Variants in DRC7 observed in about 807,000 individuals in gnomAD.
DRC7 encodes the protein dynein regulatory complex subunit 7.
DRC7 carries 80 observed loss-of-function variants against 104.4 expected under a neutral mutation model. That is an observed-to-expected ratio of 0.77 (90% confidence interval 0.64 to 0.92). DRC7 has a LOEUF of 0.92. Ranked by LOEUF, DRC7 falls within the 40% of genes least tolerant of loss-of-function variation. The pLI, the probability that DRC7 is intolerant of heterozygous loss-of-function variation, is 0.00. For synonymous variants in DRC7, 405 were observed against 447.3 expected (o/e 0.91, Z 1.19); for missense variants, 1,034 against 1,141.1 (o/e 0.91, Z 1.35).
intron 8 of DRC7, among the ~76,000 whole-genome samples, chr16:57,710,715 G>A (rs1197444047): frequency 6.6e-6 from 1 of 152,124 alleles, no homozygotes; most frequent in Non-Finnish European, 1.5e-5. Context: ...CTAGATTTTT[G>A]TCAAATACTT....
At position 57,698,879 on chromosome 16, in the gene DRC7, C is replaced by T; in HGVS notation, c.233C>T (p.Ser78Phe). Residue 78 changes from serine to phenylalanine, a missense_variant, in exon 4 of 19, where the codon TCC (serine) becomes TTC (phenylalanine). Ser to Phe is a radical substitution (Grantham distance 155). Coordinates refer to ENST00000360716, the MANE Select transcript of DRC7 (RefSeq NM_001289162.2). ...TTTACCAAGGACACTATTGACATCT[C>T]CAAGCTGCCCATTTCCTACAAAACC... ...PAFTKDTIDI[S>F]KLPISYKTNT... The T allele has an allele frequency of 1.2e-6, 2 of 1,614,092 alleles. No homozygotes were observed. The highest frequency in any genetic ancestry group is 1.7e-6 in the Non-Finnish European group (2 of 1,179,974).
Position 57,699,016 on chromosome 16 carries a change from G to A in DRC7, c.370G>A (p.Glu124Lys), listed in dbSNP as rs2048629232. Reference sequence around the variant, plus strand: ...CTTCCTGCACCCCCTGAACGAGTGTGAAGTGCCCGTAAGGCTGGCATGTTG... The same window carrying A: ...CTTCCTGCACCCCCTGAACGAGTGTAAAGTGCCCGTAAGGCTGGCATGTTG... ...PLFLHPLNEC[E>K]VPKFVSTTLR... is the part of the protein sequence containing the mutation. Residue 124 changes from glutamate (E) to lysine (K), a missense_variant, in exon 4 of 19, where the codon GAA (glutamate) becomes AAA (lysine). Glu to Lys is a moderately conservative substitution (Grantham distance 56, BLOSUM62 1). Transcript: ENST00000360716. 2 of 1,614,004 alleles carry A rather than the reference G, an allele frequency of 1.2e-6. No individual in the cohort carries two copies. The highest frequency in any genetic ancestry group is 4.5e-5 in the East Asian group (2 of 44,894).
At chr16:57,718,256 C>T in intron 8 of DRC7, 91 bp from the exon 9 acceptor site, 2 of 1,515,994 alleles carry the variant, frequency 1.3e-6, no homozygotes, top group Non-Finnish European at 1.8e-6. Flanking sequence ...CCTTCTCTGC[C>T]CCGGAGTAGC....
chr16:57,730,455 G>A (rs1267190511), intron 17 of DRC7, among the ~76,000 whole-genome samples: 1 of 152,040 alleles, frequency 6.6e-6, no homozygotes, highest in Non-Finnish European at 1.5e-5. Context: ...GAATAGATGG[G>A]CAGATGGCTG....
chr16:57,703,114 A>T (rs1216860225), intron 6 of DRC7, among the ~76,000 whole-genome samples: 1 of 151,590 alleles, frequency 6.6e-6, no homozygotes, highest in African/African-American at 2.4e-5. Context: ...CCTGGACTCA[A>T]GCAATCCTCC....
chr16:57,710,013 T>C (rs537435711), intron 8 of DRC7, among the ~76,000 whole-genome samples: 86 of 152,308 alleles, frequency 5.6e-4, no homozygotes, highest in Non-Finnish European at 1.0e-3. Flanking sequence ...CCACCCACCT[T>C]GGCCTCCAAA....
chr16:57,722,092 G>T (rs566138185), intron 10 of DRC7, among the ~76,000 whole-genome samples: 3 of 152,366 alleles, frequency 2.0e-5, no homozygotes, highest in East Asian at 3.9e-4. Context: ...GGTGCGGGGG[G>T]TCTCAGGACC....
intron 17 of DRC7, among the ~76,000 whole-genome samples, chr16:57,729,601 GATGGGTGA>G (rs1437217521): frequency 1.5e-5 from 1 of 64,776 alleles, no homozygotes; most frequent in African/African-American, 9.1e-5. Context: ...TGGATGGATG[GATGGGTGA>G]GTGAGTGGGT....
Position 57,731,396 on chromosome 16 carries a change from G to T in DRC7, c.*138G>T. The T allele has an allele frequency of 1.6e-6, 1 of 636,862 alleles. No homozygotes were observed. Among genetic ancestry groups the T allele is most frequent in the South Asian group, 1.9e-5 (1 of 52,472 alleles). 39.5% of individuals were successfully genotyped at this position (636,862 alleles called of 1,614,324 possible). ...TCACTGCCAGCCCACCTCCCCTACA[G>T]CCCTGTTTGTTCCTGCTTCTCATGA... On this transcript the variant is annotated 3_prime_UTR_variant, in exon 19 of 19. Coordinates refer to ENST00000360716, the MANE Select transcript of DRC7 (RefSeq NM_001289162.2).
chr16:57,729,338 ATGGG>A (rs145850424), intron 17 of DRC7, among the ~76,000 whole-genome samples: 43,808 of 128,816 alleles, frequency 0.34, 9,614 homozygotes, highest in African/African-American at 0.63. Context: ...GGATGGATGG[ATGGG>A]TGGATGAGTG....
intron 12 of DRC7, among the ~76,000 whole-genome samples, chr16:57,723,913 T>C (rs2048934721): frequency 2.0e-5 from 3 of 152,028 alleles, no homozygotes; most frequent in Admixed American, 2.0e-4. Context: ...AAAATGGTCC[T>C]ACTGGGTATG....
intron 17 of DRC7, among the ~76,000 whole-genome samples, chr16:57,729,965 G>T (rs2049037351): frequency 7.0e-6 from 1 of 142,522 alleles, no homozygotes; most frequent in African/African-American, 2.7e-5. Context: ...TGGATGGATG[G>T]ATGGGCGAGT....
intron 8 of DRC7, among the ~76,000 whole-genome samples, chr16:57,708,226 G>A (rs2048753805): frequency 6.6e-6 from 1 of 152,148 alleles, no homozygotes; most frequent in Non-Finnish European, 1.5e-5. Flanking sequence ...TGTGTAGCCA[G>A]GACCATTAGA....
chr16:57,696,198 G>T (rs1027605626), intron 1 of DRC7, among the ~76,000 whole-genome samples: 1 of 152,190 alleles, frequency 6.6e-6, no homozygotes, highest in African/African-American at 2.4e-5. Context: ...GGGTGGTGTG[G>T]AACAGGGACC....
At chr16:57,726,793 G>T (rs2048972570) in intron 14 of DRC7, 39 bp from the exon 15 acceptor site, 2 of 1,367,760 alleles carry the variant, frequency 1.5e-6, no homozygotes, top group South Asian at 1.2e-5. Flanking sequence ...CCCCGATCAT[G>T]GCAGCCTCTC....
intron 8 of DRC7, among the ~76,000 whole-genome samples, chr16:57,715,376 CT>C: frequency 6.6e-6 from 1 of 152,228 alleles, no homozygotes; most frequent in South Asian, 2.1e-4. Flanking sequence ...GTCATTTAGT[CT>C]TGGGGAATGA....
At position 57,700,131 on chromosome 16, in the gene DRC7, C is replaced by T. The variant is rs1380959696; in HGVS notation, c.379-14C>T. On this transcript the variant is annotated splice_polypyrimidine_tract_variant and intron_variant, in intron 4 of 18. Transcript: ENST00000360716. ...ATTGCCTTGACCCCACTGGCACCAT[C>T]TCTCTCCTTGCAGAAGTTCGTGAGC... is the stretch of plus-strand genomic sequence containing the variant. 7 of 1,612,838 alleles carry T rather than the reference C, an allele frequency of 4.3e-6. No individual in the cohort carries two copies. The highest frequency in any genetic ancestry group is 1.7e-5 in the Admixed American group (1 of 59,964).
chr16:57,697,133 G>A (rs548008173), intron 2 of DRC7, among the ~76,000 whole-genome samples: 75 of 152,074 alleles, frequency 4.9e-4, no homozygotes, highest in African/African-American at 1.7e-3. Flanking sequence ...GGCTGGTCTC[G>A]AACTTCTGAC....
intron 8 of DRC7, among the ~76,000 whole-genome samples, chr16:57,714,487 A>T (rs1286017300): frequency 6.6e-6 from 1 of 152,134 alleles, no homozygotes; most frequent in East Asian, 1.9e-4. Context: ...TTAGCCAGGC[A>T]TGATGGCATG....
Sources: gnomAD v4.1 joint callset for allele counts (sites outside exome capture counted in the v4.1 genomes callset) on GRCh38, gnomAD v4.1.1 for gene constraint, MANE v1.5 for transcripts, NCBI Gene and HGNC (gene_info 2026-07-23, HGNC 2026-07-21) for gene names.